Variants in TACC2 observed in about 807,000 individuals in gnomAD.
TACC2 encodes the protein transforming acidic coiled-coil containing protein 2, also known as transforming acidic coiled-coil-containing protein 2.
In TACC2, 137 loss-of-function variants were observed where a neutral mutation model predicts 227.3. The ratio of observed to expected loss-of-function variants is 0.60; its 90% confidence interval spans 0.52 to 0.69. TACC2 has a LOEUF of 0.69. Ranked by LOEUF, TACC2 falls within the 30% of genes least tolerant of loss-of-function variation. The probability of loss-of-function intolerance (pLI) is 0.00; values close to 1 mark genes in which losing one functional copy is unlikely to be tolerated. For synonymous variants in TACC2, 1,523 were observed against 1,487.5 expected, an observed-to-expected ratio of 1.02 and a Z score of -0.55; for missense variants, 3,470 against 3,694.4, an observed-to-expected ratio of 0.94 and a Z score of 1.57.
intron 5 of TACC2, chr10:122,127,019 T>G (rs1300300911): frequency 1.3e-5 from 2 of 153,064 alleles, no homozygotes; most frequent in Non-Finnish European, 2.9e-5. Flanking sequence ...CCCACAGCAC[T>G]GCCTTGCCTC....
rs184660626 is a variant in TACC2, at chr10:122,033,139, C to G, written c.33+11125C>G. The G allele has an allele frequency of 1.5e-4, 190 of 1,289,318 alleles. 1 individual carries two copies. In the African/African-American group the frequency reaches 2.5e-3, roughly 17 times the overall value. The allele number at this position is 1,289,318 out of a possible 1,614,324, so 79.9% of individuals were successfully genotyped here. A position where few individuals can be genotyped will look rare whatever the true frequency, so the allele number is the denominator to read the frequency against. Reference sequence around the variant, plus strand: ...TAACGTCATTCTGTGGCCTCCAAACCCTGAGCCCACACAGGTACTGGGGAA... The same window carrying G: ...TAACGTCATTCTGTGGCCTCCAAACGCTGAGCCCACACAGGTACTGGGGAA... On this transcript the variant is annotated intron_variant, in intron 2 of 22. Coordinates refer to ENST00000369005, the MANE Select transcript of TACC2 (RefSeq NM_206862.4).
In TACC2 at chr10:122,227,885, C is replaced by A; in HGVS notation, c.7773C>A (p.Asn2591Lys). 1 of 1,614,234 alleles carries A rather than the reference C, an allele frequency of 6.2e-7. No individual in the cohort carries two copies. Among genetic ancestry groups the A allele is most frequent in the Non-Finnish European group, 8.5e-7 (1 of 1,180,032 alleles). Residue 2591 changes from asparagine to lysine, a missense_variant, in exon 14 of 23, where the codon AAC (asparagine) becomes AAA (lysine). Transcript: ENST00000369005. ...TEALVNTAAK[N>K]QHPVPRGLAP... ...CCCTTGTGAACACTGCTGCGAAAAA[C>A]CAGCATCCTGTCCCACGAGGACTGG... is the stretch of plus-strand genomic sequence containing the variant.
At chr10:122,142,284 C>T (rs1366948586) in intron 6 of TACC2, among the ~76,000 whole-genome samples, 4 of 152,224 alleles carry the variant, frequency 2.6e-5, no homozygotes, top group Admixed American at 6.5e-5. Flanking sequence ...GGACACTTGG[C>T]GGTATCCCCT....
chr10:122,154,247 A>G (rs946607497), intron 7 of TACC2, among the ~76,000 whole-genome samples: 2 of 152,238 alleles, frequency 1.3e-5, no homozygotes, highest in Non-Finnish European at 2.9e-5. Flanking sequence ...CTTGGAGCCA[A>G]ACTTGCTGCT....
At position 122,210,863 on chromosome 10, in the gene TACC2, G is replaced by A; in HGVS notation, c.6438G>A (p.Glu2146=). The stretch of plus-strand genomic sequence containing the variant: ...AACAGACCACCAAGAAACCCACAGA[G>A]ACCCCCCCAGTGAAGGAGACGCAAC... ...KKKQTTKKPT[E]TPPVKETQQE... is the part of the protein sequence containing the mutation. Residue 2146 remains glutamate (E), a synonymous_variant, in exon 9 of 23, where the codon GAG becomes GAA. Transcript: ENST00000369005. The surrounding 1 kb of genome is among the most constrained non-coding windows in gnomAD (Gnocchi z 4.6). 5 of 1,613,492 alleles carry A rather than the reference G, an allele frequency of 3.1e-6. No individual in the cohort carries two copies. Among genetic ancestry groups the A allele is most frequent in the Non-Finnish European group, 4.2e-6 (5 of 1,179,936 alleles).
At chr10:122,237,136 T>G (rs1344643221) in intron 16 of TACC2, among the ~76,000 whole-genome samples, 2 of 152,200 alleles carry the variant, frequency 1.3e-5, no homozygotes, top group East Asian at 3.8e-4. Flanking sequence ...CCAGACATGC[T>G]GGACTCCAAG....
chr10:122,000,167 G>A (rs550592850), intron 1 of TACC2, among the ~76,000 whole-genome samples: 15 of 152,174 alleles, frequency 9.9e-5, no homozygotes, highest in African/African-American at 2.9e-4. Flanking sequence ...CGAGGTTGGC[G>A]GATCACGAGG....
chr10:122,179,640 C>A (rs535549841), intron 7 of TACC2, among the ~76,000 whole-genome samples: 58 of 150,460 alleles, frequency 3.9e-4, no homozygotes, highest in African/African-American at 1.2e-3. Flanking sequence ...TCAGAATGGC[C>A]TTCTAAAAAC....
intron 7 of TACC2, among the ~76,000 whole-genome samples, chr10:122,154,863 G>C (rs1335934461): frequency 6.6e-6 from 1 of 152,186 alleles, no homozygotes; most frequent in African/African-American, 2.4e-5. Flanking sequence ...ATCAATAGAT[G>C]CTCACGGATG....
At position 122,210,970 on chromosome 10, in the gene TACC2, G is replaced by A. The variant is rs115985418; in HGVS notation, c.6545G>A (p.Gly2182Asp). ...ETKTESAKTEGPSPALLEETP... is the reference protein window; with the variant it reads ...ETKTESAKTEDPSPALLEETP... Reference sequence around the variant, plus strand: ...AAAACGGAATCTGCCAAGACGGAAGGTCCTAGCCCAGCCTTATTGGAGGAG... The same window carrying A: ...AAAACGGAATCTGCCAAGACGGAAGATCCTAGCCCAGCCTTATTGGAGGAG... Residue 2182 changes from glycine to aspartate, a missense_variant, in exon 9 of 23, where the codon GGT becomes GAT. By Grantham distance (94) the Gly-to-Asp change is moderately conservative. This residue lies in a region of TACC2 where 593 missense variants were observed against 636.6 expected (regional missense o/e 0.93). Transcript: ENST00000369005. The surrounding 1 kb of genome is among the most constrained non-coding windows in gnomAD (Gnocchi z 4.6). 3 of 1,613,916 alleles carry A rather than the reference G, an allele frequency of 1.9e-6. No homozygotes were observed. Among genetic ancestry groups the A allele is most frequent in the Non-Finnish European group, 2.5e-6 (3 of 1,179,926 alleles).
At chr10:122,075,908 T>G (rs1328658925) in intron 3 of TACC2, among the ~76,000 whole-genome samples, 1 of 152,212 alleles carries the variant, frequency 6.6e-6, no homozygotes, top group Non-Finnish European at 1.5e-5. Context: ...CAAGCAATCC[T>G]CCTGCTTCAG....
intron 2 of TACC2, among the ~76,000 whole-genome samples, chr10:122,049,528 G>C (rs888214176): frequency 5.3e-5 from 8 of 152,102 alleles, no homozygotes; most frequent in Non-Finnish European, 1.0e-4. Flanking sequence ...GGTATGGGTG[G>C]AACTGTTCTT....
chr10:122,070,710 G>A (rs933541052), intron 3 of TACC2, among the ~76,000 whole-genome samples: 5 of 140,862 alleles, frequency 3.5e-5, no homozygotes, highest in Non-Finnish European at 7.5e-5. Context: ...CTGAGATCTC[G>A]CCATTGCACT....
chr10:122,211,810 C>A, intron 9 of TACC2, 102 bp downstream of exon 9: 1 of 1,012,754 alleles, frequency 9.9e-7, no homozygotes, highest in Non-Finnish European at 1.4e-6. Context: ...CCTAACCTTG[C>A]CCCTGGGTGC....
chr10:122,138,165 C>A (rs1421852045), intron 6 of TACC2, among the ~76,000 whole-genome samples: 3 of 151,804 alleles, frequency 2.0e-5, no homozygotes, highest in Non-Finnish European at 4.4e-5. Flanking sequence ...GTGAGTTCAA[C>A]CACCTCACAA....
intron 1 of TACC2, among the ~76,000 whole-genome samples, chr10:121,996,130 T>G (rs1165758750): frequency 3.3e-5 from 5 of 152,156 alleles, no homozygotes. Flanking sequence ...AGTGGTCCAG[T>G]GTAGCCTTGA....
chr10:122,246,352 A>T (rs987819406), intron 19 of TACC2: 1 of 152,002 alleles, frequency 6.6e-6, no homozygotes, highest in African/African-American at 2.4e-5. Flanking sequence ...CGAGGAAATG[A>T]CCCCACCACA....
intron 7 of TACC2, among the ~76,000 whole-genome samples, chr10:122,161,769 G>A (rs890223973): frequency 2.0e-5 from 3 of 152,242 alleles, no homozygotes; most frequent in Non-Finnish European, 4.4e-5. Context: ...TACGAGGCTT[G>A]GCTGAAGGCC....
chr10:122,072,176 C>T (rs2078157665), intron 3 of TACC2, among the ~76,000 whole-genome samples: 1 of 151,938 alleles, frequency 6.6e-6, no homozygotes, highest in African/African-American at 2.4e-5. Context: ...AGGATGGTCT[C>T]AATCTCCTGA....
Sources: gnomAD v4.1 joint callset for allele counts (sites outside exome capture counted in the v4.1 genomes callset) on GRCh38, gnomAD v4.1.1 for gene constraint, gnomAD v4.1.1 regional missense constraint, Gnocchi (gnomAD v3.1) non-coding constraint, MANE v1.5 for transcripts, NCBI Gene and HGNC (gene_info 2026-07-23, HGNC 2026-07-21) for gene names.